Variants in DLG2 observed in about 807,000 individuals in gnomAD.
DLG2 encodes the protein discs large MAGUK scaffold protein 2, also known as disks large homolog 2.
DLG2 carries 45 observed loss-of-function variants against 132.5 expected under a neutral mutation model. The observed-to-expected ratio is 0.34, with a 90% CI of 0.27 to 0.44. DLG2 has a LOEUF of 0.44. Ranked by LOEUF, DLG2 falls within the 20% of genes least tolerant of loss-of-function variation. The pLI is 1.00. For synonymous variants in DLG2, 424 were observed against 419.6 expected, an observed-to-expected ratio of 1.01 and a Z score of -0.13; for missense variants, 1,045 against 1,196.9, an observed-to-expected ratio of 0.87 and a Z score of 1.87.
At chr11:85,275,721 A>G (rs1378576131) in intron 4 of DLG2, among the ~76,000 whole-genome samples, 2 of 152,204 alleles carry the variant, frequency 1.3e-5, no homozygotes, top group South Asian at 2.1e-4. Flanking sequence ...TTAGACAGTA[A>G]TATAATTCAT....
intron 8 of DLG2, among the ~76,000 whole-genome samples, chr11:84,211,087 G>A (rs2096748429): frequency 1.3e-5 from 2 of 152,156 alleles, no homozygotes; most frequent in Admixed American, 1.3e-4. Flanking sequence ...CAAAACAACT[G>A]TAGAAACAGA....
chr11:85,273,420 C>A (rs2077673529), intron 4 of DLG2, among the ~76,000 whole-genome samples: 1 of 152,064 alleles, frequency 6.6e-6, no homozygotes, highest in African/African-American at 2.4e-5. Context: ...AAAAATCAAA[C>A]AACCCCATCA....
At chr11:84,116,067 T>C (rs1046165039) in intron 9 of DLG2, among the ~76,000 whole-genome samples, 4 of 152,226 alleles carry the variant, frequency 2.6e-5, no homozygotes, top group Admixed American at 2.6e-4. Context: ...ATGAGCTCAA[T>C]ATGTCCACCA....
intron 16 of DLG2, among the ~76,000 whole-genome samples, chr11:83,857,031 C>G (rs534336645): frequency 6.6e-6 from 1 of 152,206 alleles, no homozygotes; most frequent in South Asian, 2.1e-4. Flanking sequence ...CAGTTTTAAT[C>G]TTCTGTATAT....
intron 12 of DLG2, among the ~76,000 whole-genome samples, chr11:83,971,633 T>C (rs1276062290): frequency 6.6e-6 from 1 of 152,104 alleles, no homozygotes; most frequent in Non-Finnish European, 1.5e-5. Context: ...GACATTAAGG[T>C]TACCTAAGGC....
chr11:85,049,923 T>A (rs996708444), intron 6 of DLG2, among the ~76,000 whole-genome samples: 1 of 152,074 alleles, frequency 6.6e-6, no homozygotes, highest in African/African-American at 2.4e-5. Flanking sequence ...ATTGCCAGAT[T>A]TCTCATTCCC....
At chr11:85,402,529 G>C (rs2088245716) in intron 3 of DLG2, among the ~76,000 whole-genome samples, 1 of 151,890 alleles carries the variant, frequency 6.6e-6, no homozygotes, top group Non-Finnish European at 1.5e-5. Flanking sequence ...CACAGCAAAA[G>C]AAACTATCAT....
At chr11:84,977,262 C>T (rs1327819574) in intron 6 of DLG2, among the ~76,000 whole-genome samples, 1 of 152,120 alleles carries the variant, frequency 6.6e-6, no homozygotes, top group Non-Finnish European at 1.5e-5. Context: ...AGTTCTAACT[C>T]TTTCTCTTTC....
intron 18 of DLG2, among the ~76,000 whole-genome samples, chr11:83,670,589 T>C (rs1026798917): frequency 2.0e-5 from 3 of 151,802 alleles, no homozygotes; most frequent in East Asian, 3.9e-4. Flanking sequence ...TGTGTTGTCA[T>C]AGATGAAGAC....
At chr11:85,384,497 C>A (rs1243344293) in intron 3 of DLG2, among the ~76,000 whole-genome samples, 1 of 152,186 alleles carries the variant, frequency 6.6e-6, no homozygotes, top group Admixed American at 6.5e-5. Context: ...GTCATACTCA[C>A]CTTGGTTCAA....
intron 14 of DLG2, among the ~76,000 whole-genome samples, chr11:83,935,334 A>G (rs1424603878): frequency 6.6e-6 from 1 of 152,166 alleles, no homozygotes; most frequent in Non-Finnish European, 1.5e-5. Flanking sequence ...GTCCTGGGCT[A>G]ATAGCTCTTA....
At chr11:84,429,391 A>G (rs1481592274) in intron 7 of DLG2, among the ~76,000 whole-genome samples, 1 of 152,164 alleles carries the variant, frequency 6.6e-6, no homozygotes, top group African/African-American at 2.4e-5. Context: ...CCAAGGTGGC[A>G]CAGGTTGTGG....
chr11:85,124,773 A>G (rs1483728342), intron 5 of DLG2, among the ~76,000 whole-genome samples: 1 of 152,180 alleles, frequency 6.6e-6, no homozygotes, highest in African/African-American at 2.4e-5. Flanking sequence ...GGCAGTGATG[A>G]ATTCTTTTTT....
At chr11:83,898,223 T>C (rs1239489774) in intron 15 of DLG2, among the ~76,000 whole-genome samples, 1 of 152,136 alleles carries the variant, frequency 6.6e-6, no homozygotes, top group African/African-American at 2.4e-5. Flanking sequence ...TTATAAACAT[T>C]TGCAGAGATA....
At chr11:84,801,392 AC>A (rs1231913274) in intron 6 of DLG2, among the ~76,000 whole-genome samples, 1 of 152,016 alleles carries the variant, frequency 6.6e-6, no homozygotes, top group Non-Finnish European at 1.5e-5. Context: ...ACACTGTGAA[AC>A]CCCGTCTCTA....
intron 6 of DLG2, among the ~76,000 whole-genome samples, chr11:84,777,979 T>C (rs2070992712): frequency 6.6e-6 from 1 of 152,188 alleles, no homozygotes; most frequent in Admixed American, 6.5e-5. Flanking sequence ...TTGTCTATTT[T>C]TGGTTTTGTT....
chr11:83,731,226 C>A (rs1289678341), intron 18 of DLG2, among the ~76,000 whole-genome samples: 1 of 152,244 alleles, frequency 6.6e-6, no homozygotes, highest in Non-Finnish European at 1.5e-5. Context: ...CCTAGCAACC[C>A]ATCATCTAGG....
intron 3 of DLG2, among the ~76,000 whole-genome samples, chr11:85,595,855 T>A (rs2153233239): frequency 6.6e-6 from 1 of 152,354 alleles, no homozygotes; most frequent in Middle Eastern, 3.4e-3. Flanking sequence ...CCAGTCACAG[T>A]TATGTACACA....
intron 6 of DLG2, among the ~76,000 whole-genome samples, chr11:84,849,507 T>A (rs2081927134): frequency 6.6e-6 from 1 of 152,130 alleles, no homozygotes; most frequent in African/African-American, 2.4e-5. Context: ...TATCTCCTTT[T>A]TTTTTCCTAG....
Sources: allele counts gnomAD v4.1 joint callset (sites outside exome capture counted in the v4.1 genomes callset), GRCh38; gene constraint gnomAD v4.1.1; transcripts MANE v1.5; gene names NCBI Gene and HGNC (gene_info 2026-07-23, HGNC 2026-07-21).